THSD7A: variants seen among roughly 807,000 people sequenced by gnomAD.
THSD7A encodes thrombospondin type 1 domain containing 7A.
THSD7A carries 96 observed loss-of-function variants against 231.3 expected under a neutral mutation model. The ratio of observed to expected loss-of-function variants is 0.41; its 90% CI spans 0.35 to 0.49. THSD7A has a LOEUF of 0.49. Among genes scored for constraint, THSD7A ranks in the 20% least tolerant of loss-of-function variants. The pLI, the probability that THSD7A is intolerant of heterozygous loss-of-function variation, is 0.05. For synonymous variants in THSD7A, 940 were observed against 743.3 expected, an observed-to-expected ratio of 1.26 and a Z score of -4.30; for missense variants, 2,290 against 2,070.2, an observed-to-expected ratio of 1.11 and a Z score of -2.06.
intron 7 of THSD7A, among the ~76,000 whole-genome samples, chr7:11,478,325 T>C (rs1048807784): frequency 6.6e-6 from 1 of 152,190 alleles, no homozygotes; most frequent in East Asian, 1.9e-4. Flanking sequence ...ACATCCAGTG[T>C]AGAGTCACTC....
chr7:11,501,672 A>G (rs1279293574), intron 6 of THSD7A, among the ~76,000 whole-genome samples: 1 of 152,188 alleles, frequency 6.6e-6, no homozygotes, highest in African/African-American at 2.4e-5. Context: ...GCCCACATCA[A>G]AAAGTTAGGA....
chr7:11,615,375 G>A (rs908859062), intron 2 of THSD7A, among the ~76,000 whole-genome samples: 1 of 152,170 alleles, frequency 6.6e-6, no homozygotes, highest in African/African-American at 2.4e-5. Flanking sequence ...TCCTCGTGGA[G>A]CTGGGCAATT....
chr7:11,700,713 T>C (rs1018198320), intron 1 of THSD7A, among the ~76,000 whole-genome samples: 2 of 151,230 alleles, frequency 1.3e-5, no homozygotes, highest in East Asian at 2.0e-4. Context: ...ATTAAAATCA[T>C]ATGTCAGGAT....
At chr7:11,526,542 AG>A (rs1482973713) in intron 6 of THSD7A, among the ~76,000 whole-genome samples, 6 of 152,226 alleles carry the variant, frequency 3.9e-5, no homozygotes, top group Non-Finnish European at 8.8e-5. Context: ...TTATTAATGC[AG>A]GTGTAATGCC....
intron 6 of THSD7A, among the ~76,000 whole-genome samples, chr7:11,536,229 C>G (rs1040011693): frequency 6.6e-6 from 1 of 151,972 alleles, no homozygotes; most frequent in African/African-American, 2.4e-5. Context: ...TCTCGTGGGC[C>G]CAGAAGACAC....
intron 2 of THSD7A, among the ~76,000 whole-genome samples, chr7:11,623,569 T>G (rs1431557315): frequency 6.6e-6 from 1 of 152,088 alleles, no homozygotes; most frequent in African/African-American, 2.4e-5. Flanking sequence ...ATGGCTGACT[T>G]CCTCTTCTAT....
chr7:11,719,717 C>A (rs138333635), intron 1 of THSD7A, among the ~76,000 whole-genome samples: 1 of 151,728 alleles, frequency 6.6e-6, no homozygotes, highest in East Asian at 2.0e-4. Flanking sequence ...TCTTTAACTT[C>A]AAAACTCTAT....
chr7:11,766,314 T>C (rs1448328669), intron 1 of THSD7A, among the ~76,000 whole-genome samples: 2 of 152,202 alleles, frequency 1.3e-5, no homozygotes, highest in East Asian at 1.9e-4. Context: ...TGTTCTATAT[T>C]AAATTGTCAT....
intron 1 of THSD7A, among the ~76,000 whole-genome samples, chr7:11,700,006 A>G (rs2128144450): frequency 6.6e-6 from 1 of 151,500 alleles, no homozygotes; most frequent in Admixed American, 6.6e-5. Context: ...TAAGAAGAAT[A>G]TCCTTAAAGT....
intron 4 of THSD7A, among the ~76,000 whole-genome samples, chr7:11,543,893 C>T (rs545514841): frequency 6.6e-6 from 1 of 151,888 alleles, no homozygotes; most frequent in East Asian, 1.9e-4. Context: ...TAGTTCTGGA[C>T]ATAGAACTAA....
chr7:11,473,034 T>G (rs1228133331), intron 8 of THSD7A, among the ~76,000 whole-genome samples: 2 of 152,158 alleles, frequency 1.3e-5, no homozygotes, highest in African/African-American at 4.8e-5. Context: ...TTTAGCAAAA[T>G]TTCTATTAAA....
chr7:11,542,941 T>C (rs368083022), intron 5 of THSD7A, 21 bp downstream of exon 5: 109 of 1,610,166 alleles, frequency 6.8e-5, no homozygotes, highest in Admixed American at 5.0e-4. Context: ...ATAAAAGGCA[T>C]GTCATGGTCA....
intron 1 of THSD7A, among the ~76,000 whole-genome samples, chr7:11,749,817 A>G (rs771785765): frequency 3.3e-5 from 5 of 151,972 alleles, no homozygotes; most frequent in Non-Finnish European, 7.4e-5. Context: ...CTAGCCATTC[A>G]ACGGCGCTTC....
At chr7:11,550,090 G>A (rs998827416) in intron 4 of THSD7A, among the ~76,000 whole-genome samples, 14 of 151,928 alleles carry the variant, frequency 9.2e-5, no homozygotes, top group African/African-American at 2.4e-4. Flanking sequence ...AGAAAACCCC[G>A]TAATCTCTGC....
chr7:11,597,182 C>A (rs558014543), intron 2 of THSD7A, among the ~76,000 whole-genome samples: 10 of 152,276 alleles, frequency 6.6e-5, no homozygotes, highest in South Asian at 2.1e-4. Context: ...AATTCAGGGA[C>A]CTTCTACCTC....
chr7:11,764,352 C>CA (rs1782961943), intron 1 of THSD7A, among the ~76,000 whole-genome samples: 4 of 151,998 alleles, frequency 2.6e-5, no homozygotes, highest in Non-Finnish European at 5.9e-5. Context: ...GAGGCCGAGG[C>CA]GGGTGGATCA....
chr7:11,811,764 G>T (rs1387304999), intron 1 of THSD7A, among the ~76,000 whole-genome samples: 1 of 152,114 alleles, frequency 6.6e-6, no homozygotes, highest in Non-Finnish European at 1.5e-5. Flanking sequence ...CAGCTTAGCT[G>T]CCTGTGGACA....
chr7:11,676,794 T>A (rs543616570), intron 1 of THSD7A, among the ~76,000 whole-genome samples: 3 of 152,146 alleles, frequency 2.0e-5, no homozygotes, highest in Non-Finnish European at 4.4e-5. Context: ...TAAGTTTGAT[T>A]GGTGTACTTG....
chr7:11,791,582 A>G (rs1353510201), intron 1 of THSD7A, among the ~76,000 whole-genome samples: 3 of 152,006 alleles, frequency 2.0e-5, no homozygotes, highest in African/African-American at 7.2e-5. Flanking sequence ...AGTTTTGTAG[A>G]GGAAATTCCT....
Sources: gnomAD v4.1 joint callset for allele counts (sites outside exome capture counted in the v4.1 genomes callset) on GRCh38, gnomAD v4.1.1 for gene constraint, MANE v1.5 for transcripts, NCBI Gene and HGNC (gene_info 2026-07-23, HGNC 2026-07-21) for gene names.